The following NT5DC1 variants were observed in gnomAD, a reference collection of about 807,000 sequenced individuals.
The protein encoded by NT5DC1 is 5'-nucleotidase domain containing 1.
A neutral mutation model predicts 59.4 loss-of-function variants in NT5DC1; 42 were observed. The observed-to-expected ratio is 0.71, with a 90% confidence interval of 0.55 to 0.92. The LOEUF (loss-of-function observed/expected upper bound fraction) is 0.92, where lower values mean the gene tolerates loss of function less well. Ranked by LOEUF, NT5DC1 falls within the 40% of genes least tolerant of loss-of-function variation. The probability of loss-of-function intolerance (pLI) is 0.00; values close to 1 mark genes in which losing one functional copy is unlikely to be tolerated. For synonymous variants in NT5DC1, 172 were observed against 188.1 expected (o/e 0.91, Z 0.70); for missense variants, 501 against 537.1 (o/e 0.93, Z 0.66).
intron 6 of NT5DC1, among the ~76,000 whole-genome samples, chr6:116,195,038 C>G (rs929040675): frequency 6.6e-6 from 1 of 152,088 alleles, no homozygotes; most frequent in Non-Finnish European, 1.5e-5. Flanking sequence ...CTCTACCGCT[C>G]TCTCTATATT....
At chr6:116,180,042 G>A (rs543491552) in intron 6 of NT5DC1, among the ~76,000 whole-genome samples, 15 of 152,102 alleles carry the variant, frequency 9.9e-5, no homozygotes, top group East Asian at 5.8e-4. Context: ...GCAAAATACC[G>A]TGGTGTTCTC....
chr6:116,178,106 C>CGTGTGTGTGTGT, intron 6 of NT5DC1, among the ~76,000 whole-genome samples: 1 of 130,830 alleles, frequency 7.6e-6, no homozygotes, highest in Middle Eastern at 3.8e-3. Context: ...CGCGCGCGTG[C>CGTGTGTGTGTGT]GTGCGTGTGT....
At chr6:116,180,011 A>G (rs1373272166) in intron 6 of NT5DC1, among the ~76,000 whole-genome samples, 1 of 151,600 alleles carries the variant, frequency 6.6e-6, no homozygotes, top group Non-Finnish European at 1.5e-5. Context: ...TTATTATTAC[A>G]ATTAAATCTT....
chr6:116,128,851 G>A (rs907180307), intron 6 of NT5DC1, among the ~76,000 whole-genome samples: 4 of 152,108 alleles, frequency 2.6e-5, no homozygotes, highest in Admixed American at 1.3e-4. Flanking sequence ...TCTGATATCA[G>A]TGTTCTATTA....
chr6:116,110,600 ATC>A, intron 3 of NT5DC1: 1 of 572,370 alleles, frequency 1.7e-6, no homozygotes, highest in Admixed American at 2.7e-5. Context: ...GTGGTATCTT[ATC>A]CAGTGTTGAC....
chr6:116,104,142 C>T (rs1306807915), intron 1 of NT5DC1, among the ~76,000 whole-genome samples: 2 of 152,118 alleles, frequency 1.3e-5, no homozygotes, highest in African/African-American at 4.8e-5. Context: ...AGAGACTCAG[C>T]GTACTCTAAG....
chr6:116,178,857 T>G (rs549452289), intron 6 of NT5DC1, among the ~76,000 whole-genome samples: 1 of 152,330 alleles, frequency 6.6e-6, no homozygotes, highest in African/African-American at 2.4e-5. Flanking sequence ...AGTGTTTGCC[T>G]TATAAAAATC....
rs117864125 is a variant in NT5DC1, at chr6:116,241,593, A to C, written c.1253-2316A>C. 4.0e-3 allele frequency among the ~76,000 whole-genome samples: 616 copies of C among 152,352 alleles called. 3 individuals are homozygous for C. Among genetic ancestry groups the C allele is most frequent in the Admixed American group, 6.5e-3 (100 of 15,304 alleles). ...AGCTAATATGTAAAATAATTTAAGA[A>C]TCTAAAAGAAAACAAAGGAGATGAG... is the stretch of plus-strand genomic sequence containing the variant. On this transcript the variant is annotated intron_variant, in intron 11 of 11. Transcript: ENST00000319550.
chr6:116,178,305 T>C (rs1043280072), intron 6 of NT5DC1, among the ~76,000 whole-genome samples: 31 of 152,122 alleles, frequency 2.0e-4, no homozygotes, highest in African/African-American at 6.5e-4. Flanking sequence ...TCAGGTGACA[T>C]TGGGCGCATT....
intron 6 of NT5DC1, among the ~76,000 whole-genome samples, chr6:116,147,975 ACT>A (rs1379297200): frequency 6.7e-6 from 1 of 149,798 alleles, no homozygotes; most frequent in Non-Finnish European, 1.5e-5. Flanking sequence ...ACAGAGCGAG[ACT>A]CTGTCTCAAA....
chr6:116,208,588 T>C (rs1003677888), intron 6 of NT5DC1, among the ~76,000 whole-genome samples: 2 of 152,064 alleles, frequency 1.3e-5, no homozygotes, highest in African/African-American at 4.8e-5. Context: ...TCTTTAGTTC[T>C]TTCTGATCAT....
At chr6:116,216,594 T>G (rs929615575) in intron 6 of NT5DC1, among the ~76,000 whole-genome samples, 2 of 151,956 alleles carry the variant, frequency 1.3e-5, no homozygotes, top group African/African-American at 4.8e-5. Context: ...AGTATTATGT[T>G]TAGCATATAG....
At chr6:116,130,788 C>T (rs1433358119) in intron 6 of NT5DC1, among the ~76,000 whole-genome samples, 1 of 152,052 alleles carries the variant, frequency 6.6e-6, no homozygotes, top group Non-Finnish European at 1.5e-5. Flanking sequence ...AACCCTAGTA[C>T]TCATGCCAGT....
At chr6:116,102,853 G>A (rs1043983334) in intron 1 of NT5DC1, among the ~76,000 whole-genome samples, 1 of 152,228 alleles carries the variant, frequency 6.6e-6, no homozygotes, top group African/African-American at 2.4e-5. Context: ...TTGGTCCCTT[G>A]TGGTGGGTAG....
At chr6:116,168,995 A>G (rs1034528554) in intron 6 of NT5DC1, among the ~76,000 whole-genome samples, 5 of 151,936 alleles carry the variant, frequency 3.3e-5, no homozygotes, top group African/African-American at 1.2e-4. Context: ...CTTCTAATAA[A>G]CCCTGGAGAG....
intron 4 of NT5DC1, among the ~76,000 whole-genome samples, chr6:116,115,053 G>A (rs950476587): frequency 1.3e-5 from 2 of 152,194 alleles, no homozygotes; most frequent in Non-Finnish European, 2.9e-5. Flanking sequence ...AGTCACATGT[G>A]CCAAAGAAGG....
At position 116,121,457 on chromosome 6, in the gene NT5DC1, C is replaced by G; in HGVS notation, c.529+3512C>G. The G allele has an allele frequency of 1.9e-6, 3 of 1,614,078 alleles. 1 individual carries two copies. The South Asian group carries it at 3.3e-5, about 18-fold the overall frequency. ...TGGAACCCCATTTTCACCTCTTTTT[C>G]CCACTCCAGGAGGGCCAGATGGTCC... is the stretch of plus-strand genomic sequence containing the variant. On this transcript the variant is annotated intron_variant, in intron 6 of 11. Transcript: ENST00000319550.
chr6:116,237,487 G>A (rs758109240), intron 9 of NT5DC1: 5 of 458,040 alleles, frequency 1.1e-5, no homozygotes, highest in Non-Finnish European at 1.8e-5. Flanking sequence ...TCTGTGAGCT[G>A]AGAGATCGTG....
intron 6 of NT5DC1, among the ~76,000 whole-genome samples, chr6:116,178,408 C>G (rs1780800830): frequency 6.6e-6 from 1 of 152,146 alleles, no homozygotes; most frequent in Admixed American, 6.6e-5. Context: ...TAGAAAGAAT[C>G]TGTAAACATC....
Sources: allele counts gnomAD v4.1 joint callset (sites outside exome capture counted in the v4.1 genomes callset), GRCh38; gene constraint gnomAD v4.1.1; transcripts MANE v1.5; gene names NCBI Gene and HGNC (gene_info 2026-07-23, HGNC 2026-07-21).